Variants in C11orf21 observed in about 807,000 individuals in gnomAD.
C11orf21 encodes the protein uncharacterized protein C11orf21.
C11orf21 carries 19 observed loss-of-function variants against 15.2 expected under a neutral mutation model. The observed-to-expected ratio is 1.25, with a 90% CI of 0.87 to 1.84. The LOEUF (loss-of-function observed/expected upper bound fraction) is 1.84. Ranked by LOEUF, C11orf21 falls within the 40% of genes most tolerant of loss-of-function variation. The pLI is 0.00. For synonymous variants in C11orf21, 62 were observed against 66.8 expected, an observed-to-expected ratio of 0.93 and a Z score of 0.35; for missense variants, 171 against 174.4, an observed-to-expected ratio of 0.98 and a Z score of 0.11.
intron 3 of C11orf21, 65 bp from the exon 4 acceptor site, chr11:2,297,986 C>G (rs902853931): frequency 2.0e-5 from 3 of 152,186 alleles, no homozygotes; most frequent in Non-Finnish European, 4.4e-5. Flanking sequence ...GGTATAAGGG[C>G]ACTAATCCTA....
At chr11:2,302,752 C>T (rs1318826479), upstream of C11orf21, 1 of 1,014,754 alleles carries the variant, frequency 9.9e-7, no homozygotes, top group Non-Finnish European at 1.5e-6. Context: ...GACCGGGAAG[C>T]TGGAGAGAGC....
At chr11:2,299,987 GTCC>G (rs954789633) in intron 2 of C11orf21, among the ~76,000 whole-genome samples, 3 of 149,460 alleles carry the variant, frequency 2.0e-5, no homozygotes, top group African/African-American at 7.4e-5. Context: ...GGGGGCAGCT[GTCC>G]TCCTGGGCCA....
chr11:2,301,585 A>G, intron 1 of C11orf21, 171 bp downstream of exon 1: 1 of 603,846 alleles, frequency 1.7e-6, no homozygotes. Context: ...CCACGAAGGC[A>G]TTAAAACCAA....
chr11:2,303,022 G>T, upstream of C11orf21: 1 of 1,458,262 alleles, frequency 6.9e-7, no homozygotes, highest in Non-Finnish European at 9.5e-7. Flanking sequence ...GCTGGCACGA[G>T]CCCAGCTGGA....
chr11:2,300,394 A>T, intron 2 of C11orf21, 126 bp downstream of exon 2: 1 of 677,226 alleles, frequency 1.5e-6, no homozygotes. Flanking sequence ...GCTTCCCCTC[A>T]ACAAGCCACT....
At chr11:2,302,323 C>A (rs1005100423), upstream of C11orf21, 11 of 1,190,132 alleles carry the variant, frequency 9.2e-6, no homozygotes, top group South Asian at 2.5e-5. Flanking sequence ...ACACACCAGC[C>A]CTACTGTCCC....
intron 1 of C11orf21, chr11:2,301,073 CCTCCTGGTT>C: frequency 2.6e-6 from 1 of 388,176 alleles, no homozygotes. Flanking sequence ...CCTGGTTGTC[CCTCCTGGTT>C]CTCCTGGTTC....
chr11:2,295,753 G>A lies in C11orf21; in HGVS notation c.*2197C>T, dbSNP rs1847509182. On this transcript the variant is annotated 3_prime_UTR_variant, in exon 4 of 4. Transcript: ENST00000381153. The surrounding 1 kb of genome is among the most constrained non-coding windows in gnomAD (Gnocchi z 5.4). ...CCTCATGTAACCTGATCAATGACTA[G>A]GTCAATATTGGTTCATCAATTGCAA... 1.3e-5 allele frequency: 2 copies of A among 152,204 alleles called. No homozygotes were observed. Among genetic ancestry groups the A allele is most frequent in the Admixed American group, 6.5e-5 (1 of 15,298 alleles). 9.4% of individuals were successfully genotyped at this position (152,204 alleles called of 1,614,324 possible). A position where few individuals can be genotyped will look rare whatever the true frequency, so the allele number is the denominator to read the frequency against.
upstream of C11orf21, chr11:2,302,194 G>T: frequency 7.1e-7 from 1 of 1,412,394 alleles, no homozygotes; most frequent in South Asian, 1.8e-5. Flanking sequence ...GCCAGATGCT[G>T]GTCACCTGCT....
chr11:2,300,993 T>A lies in C11orf21; in HGVS notation c.54-380A>T, dbSNP rs1373770359. 5.3e-6 allele frequency: 3 copies of A among 568,050 alleles called. No individual in the cohort carries two copies. The African/African-American group carries it at 5.7e-5, about 11-fold the overall frequency. 35.2% of individuals were successfully genotyped at this position (568,050 alleles called of 1,614,324 possible). On this transcript the variant is annotated intron_variant, in intron 1 of 3. Transcript: ENST00000381153. ...GAGGTCTCCACAAGCCCCCACAGAC[T>A]CAGGGTGGGAATTCCTGGGGGCCAG...
upstream of C11orf21, chr11:2,302,182 A>G: frequency 2.1e-6 from 3 of 1,398,534 alleles, no homozygotes; most frequent in Non-Finnish European, 2.8e-6. Flanking sequence ...GGGTTGCCAA[A>G]TGCCAGATGC....
At position 2,295,980 on chromosome 11, in the gene C11orf21, G is replaced by C. The variant is rs959104388; in HGVS notation, c.*1970C>G. ...TCCGGGGATGCTTTGATTTGCCCCA[G>C]TGATCAGTAGTCATATCTGGAACAG... On this transcript the variant is annotated 3_prime_UTR_variant, in exon 4 of 4. Transcript: ENST00000381153. The surrounding 1 kb of genome is among the most constrained non-coding windows in gnomAD (Gnocchi z 5.4). The C allele has an allele frequency of 6.6e-6, 1 of 152,188 alleles. No homozygotes were observed. The highest frequency in any genetic ancestry group is 2.4e-5 in the African/African-American group (1 of 41,442). 9.4% of individuals were successfully genotyped at this position (152,188 alleles called of 1,614,324 possible).
At chr11:2,302,867 C>A, upstream of C11orf21, 1 of 1,613,658 alleles carries the variant, frequency 6.2e-7, no homozygotes, top group Non-Finnish European at 8.5e-7. Context: ...CTGTGGCCAC[C>A]ATGGTGACTC....
chr11:2,303,017 C>G, upstream of C11orf21: 1 of 1,485,160 alleles, frequency 6.7e-7, no homozygotes, highest in Non-Finnish European at 9.3e-7. Context: ...GGGTGGCTGG[C>G]ACGAGCCCAG....
Position 2,301,816 on chromosome 11 carries a change from C to T in C11orf21, c.-8G>A. 1 of 1,550,858 alleles carries T rather than the reference C, an allele frequency of 6.4e-7. No homozygotes were observed. Among genetic ancestry groups the T allele is most frequent in the Non-Finnish European group, 8.7e-7 (1 of 1,146,942 alleles). ...ACACCAGGTCCTGCCCATGACTTTCCCCCTCTCAGCGCCGTCCTCAGTGGC... is the reference window on the plus strand; with the variant it reads ...ACACCAGGTCCTGCCCATGACTTTCTCCCTCTCAGCGCCGTCCTCAGTGGC... On this transcript the variant is annotated 5_prime_UTR_variant, in exon 1 of 4. Coordinates refer to ENST00000381153, the MANE Select transcript of C11orf21 (RefSeq NM_001329958.2).
chr11:2,300,290 G>A (rs1436810287), intron 2 of C11orf21, among the ~76,000 whole-genome samples: 5 of 114,726 alleles, frequency 4.4e-5, no homozygotes, highest in African/African-American at 1.8e-4. Context: ...TGTGGGGTGG[G>A]CAGGGATGTG....
At chr11:2,301,551 C>A (rs1055020468) in intron 1 of C11orf21, 1 of 512,720 alleles carries the variant, frequency 2.0e-6, no homozygotes, top group Non-Finnish European at 3.4e-6. Flanking sequence ...GAAGGCTCTG[C>A]GACAAAATAT....
chr11:2,300,996 G>C (rs1847714536), intron 1 of C11orf21: 1 of 566,230 alleles, frequency 1.8e-6, no homozygotes, highest in Non-Finnish European at 3.2e-6. Flanking sequence ...CACAGACTCA[G>C]GGTGGGAATT....
upstream of C11orf21, chr11:2,301,987 T>G (rs1847776858): frequency 6.7e-7 from 1 of 1,492,098 alleles, no homozygotes; most frequent in Non-Finnish European, 8.9e-7. Context: ...CTGCCCTTCT[T>G]CCGGGGCACC....
Sources: gnomAD v4.1 joint callset for allele counts (sites outside exome capture counted in the v4.1 genomes callset) on GRCh38, gnomAD v4.1.1 for gene constraint, Gnocchi (gnomAD v3.1) non-coding constraint, MANE v1.5 for transcripts, NCBI Gene and HGNC (gene_info 2026-07-23, HGNC 2026-07-21) for gene names.